ANKRD11: variants seen among roughly 807,000 people sequenced by gnomAD.
ANKRD11 encodes the protein ankyrin repeat domain-containing protein 11.
A neutral mutation model predicts 195.7 loss-of-function variants in ANKRD11; 17 were observed. The observed-to-expected ratio is 0.09, with a 90% confidence interval of 0.06 to 0.13. ANKRD11 has a LOEUF of 0.13. Ranked by LOEUF, ANKRD11 falls within the 10% of genes least tolerant of loss-of-function variation. ANKRD11 has a pLI of 1.00. For missense variants in ANKRD11, 3,735 were observed against 3,566.1 expected, an observed-to-expected ratio of 1.05 and a Z score of -1.21; for synonymous variants, 1,953 against 1,528.1, an observed-to-expected ratio of 1.28 and a Z score of -6.49.
chr16:89,473,776 T>G (rs1252252202), intron 1 of ANKRD11, among the ~76,000 whole-genome samples: 1 of 152,160 alleles, frequency 6.6e-6, no homozygotes, highest in East Asian at 1.9e-4. Flanking sequence ...CCCCACCCAG[T>G]GTCCATGCCT....
chr16:89,270,979 G>C (rs1393441055), intron 11 of ANKRD11, 70 bp from the exon 12 acceptor site: 4 of 1,465,600 alleles, frequency 2.7e-6, no homozygotes, highest in African/African-American at 2.8e-5. Context: ...TGCCAGCCTG[G>C]GCGATGCTGC....
chr16:89,361,323 G>T (rs2039722580), intron 2 of ANKRD11, among the ~76,000 whole-genome samples: 1 of 152,196 alleles, frequency 6.6e-6, no homozygotes, highest in African/African-American at 2.4e-5. Flanking sequence ...CCATCACAGC[G>T]CCGGGGGCGG....
intron 1 of ANKRD11, among the ~76,000 whole-genome samples, chr16:89,433,484 G>A (rs114885713): frequency 0.014 from 2,066 of 152,268 alleles, 54 homozygotes; most frequent in African/African-American, 0.047. Flanking sequence ...ACAGAGACAC[G>A]GCGTTGGCCA....
At chr16:89,416,244 G>A (rs952293255) in intron 2 of ANKRD11, among the ~76,000 whole-genome samples, 2 of 152,110 alleles carry the variant, frequency 1.3e-5, no homozygotes, top group African/African-American at 2.4e-5. Flanking sequence ...CCTGTCAGCA[G>A]AGTTGCTGAT....
In ANKRD11 at chr16:89,292,973, A is replaced by G. The variant is rs372020033; in HGVS notation, c.227-1790T>C. Among the ~76,000 whole-genome samples, 10 of 152,246 alleles carry G rather than the reference A, an allele frequency of 6.6e-5. No homozygotes were observed. The East Asian group carries it at 1.5e-3, about 24-fold the overall frequency. Reference sequence around the variant, plus strand: ...AGCAGGCCTGCGGCTGCCTCCCTCTAGGAAAGAGGCGACGAAGCTGCTGGA... The same window carrying G: ...AGCAGGCCTGCGGCTGCCTCCCTCTGGGAAAGAGGCGACGAAGCTGCTGGA... On this transcript the variant is annotated intron_variant, in intron 4 of 12. Transcript: ENST00000301030.
chr16:89,362,147 T>A (rs1567700492), intron 2 of ANKRD11, among the ~76,000 whole-genome samples: 1 of 152,230 alleles, frequency 6.6e-6, no homozygotes, highest in Non-Finnish European at 1.5e-5. Context: ...GCTTAACAAA[T>A]GTGAGTGGAT....
chr16:89,479,859 C>G (rs1303748143), intron 1 of ANKRD11, among the ~76,000 whole-genome samples: 1 of 147,906 alleles, frequency 6.8e-6, no homozygotes, highest in Non-Finnish European at 1.5e-5. Flanking sequence ...AGGAGAATGG[C>G]ATGAACCTGG....
chr16:89,416,355 G>A (rs939678604), intron 2 of ANKRD11, among the ~76,000 whole-genome samples: 11 of 151,792 alleles, frequency 7.2e-5, no homozygotes, highest in South Asian at 2.1e-4. Flanking sequence ...GCTCAAGTGC[G>A]GTGTTGTGAT....
At chr16:89,415,251 G>A (rs2042248140) in intron 2 of ANKRD11, among the ~76,000 whole-genome samples, 1 of 144,382 alleles carries the variant, frequency 6.9e-6, no homozygotes, top group African/African-American at 2.6e-5. Flanking sequence ...ACTGCACCTG[G>A]CCAGCTATTC....
Position 89,342,997 on chromosome 16 carries a change from A to C in ANKRD11, c.-59-25919T>G, listed in dbSNP as rs79704804. ...ACAAACCAATAAAGACTATGTACTC[A>C]TGTCTGTTTGCAAATATAAGCGCTT... On this transcript the variant is annotated intron_variant, in intron 2 of 12. Coordinates refer to ENST00000301030, the MANE Select transcript of ANKRD11 (RefSeq NM_013275.6). Among the ~76,000 whole-genome samples, 915 of 152,286 alleles carry C rather than the reference A, an allele frequency of 6.0e-3. 10 individuals carry two copies. Among genetic ancestry groups the C allele is most frequent in the African/African-American group, 0.021 (859 of 41,566 alleles).
intron 3 of ANKRD11, among the ~76,000 whole-genome samples, chr16:89,307,396 T>C (rs1165315334): frequency 6.6e-6 from 1 of 152,172 alleles, no homozygotes; most frequent in African/African-American, 2.4e-5. Context: ...GAGACATCCC[T>C]GAGTGACCAT....
At chr16:89,429,791 TAC>T (rs1347297427) in intron 1 of ANKRD11, among the ~76,000 whole-genome samples, 1 of 61,796 alleles carries the variant, frequency 1.6e-5, no homozygotes, top group Non-Finnish European at 3.3e-5. Flanking sequence ...GTCGTTCTAG[TAC>T]ACAGCAGGTA....
At chr16:89,318,224 A>G (rs1194271764) in intron 2 of ANKRD11, among the ~76,000 whole-genome samples, 4 of 152,132 alleles carry the variant, frequency 2.6e-5, no homozygotes, top group Non-Finnish European at 5.9e-5. Flanking sequence ...CACGCCTGGC[A>G]TGGACACTCT....
At chr16:89,328,263 T>A (rs931611971) in intron 2 of ANKRD11, among the ~76,000 whole-genome samples, 1 of 152,174 alleles carries the variant, frequency 6.6e-6, no homozygotes, top group African/African-American at 2.4e-5. Context: ...CAAAGTGGTG[T>A]TGCTGCTCTG....
chr16:89,475,491 T>C (rs571728257), intron 1 of ANKRD11, among the ~76,000 whole-genome samples: 14 of 152,186 alleles, frequency 9.2e-5, no homozygotes, highest in South Asian at 2.1e-4. Context: ...AAATGAAATA[T>C]TGCAGTCAGG....
chr16:89,446,361 T>C (rs1283666735), intron 1 of ANKRD11, among the ~76,000 whole-genome samples: 1 of 152,188 alleles, frequency 6.6e-6, no homozygotes, highest in East Asian at 1.9e-4. Flanking sequence ...CCCAGCACTT[T>C]GGGAGGCCCA....
intron 4 of ANKRD11, among the ~76,000 whole-genome samples, chr16:89,296,517 G>T (rs2035447340): frequency 6.6e-6 from 1 of 152,146 alleles, no homozygotes; most frequent in African/African-American, 2.4e-5. Context: ...TGCTCACTGG[G>T]TTTTTTATTT....
intron 11 of ANKRD11, among the ~76,000 whole-genome samples, chr16:89,273,475 G>C (rs1170916260): frequency 6.6e-6 from 1 of 152,184 alleles, no homozygotes; most frequent in African/African-American, 2.4e-5. Context: ...GCTGAGGCGG[G>C]TGGATCATAA....
chr16:89,296,659 C>G (rs148575832), intron 4 of ANKRD11, among the ~76,000 whole-genome samples: 222 of 152,344 alleles, frequency 1.5e-3, no homozygotes, highest in African/African-American at 5.0e-3. Flanking sequence ...CTGGGGCTGA[C>G]CCCTGCTGAC....
Sources: allele counts gnomAD v4.1 joint callset (sites outside exome capture counted in the v4.1 genomes callset), GRCh38; gene constraint gnomAD v4.1.1; transcripts MANE v1.5; gene names NCBI Gene and HGNC (gene_info 2026-07-23, HGNC 2026-07-21).